Variants in MYH14 observed in about 807,000 individuals in gnomAD.
MYH14 encodes the protein myosin-14.
A neutral mutation model predicts 255.5 loss-of-function variants in MYH14; 123 were observed. The observed-to-expected ratio is 0.48, with a 90% confidence interval of 0.42 to 0.56. The LOEUF is 0.56. Among genes scored for constraint, MYH14 ranks in the 20% least tolerant of loss-of-function variants. The probability of loss-of-function intolerance (pLI) is 0.00; values close to 1 mark genes in which losing one functional copy is unlikely to be tolerated. For missense variants in MYH14, 2,423 were observed against 2,802.3 expected (o/e 0.86, Z 3.06); for synonymous variants, 1,095 against 1,161.2 (o/e 0.94, Z 1.16).
Position 50,230,597 on chromosome 19 carries a change from T to TG in MYH14, c.953dup (p.Ala319ArgfsTer83), listed in dbSNP as rs777112799. On this transcript the variant is annotated frameshift_variant, in exon 9 of 43. Transcript: ENST00000642316. LOFTEE classifies it high-confidence loss of function. The surrounding 1 kb of genome is among the most constrained non-coding windows in gnomAD (Gnocchi z 4.7). Reference sequence around the variant, plus strand: ...AGCTTCCACATCTTCTACCAGCTGCTGGGGGGCGCTGGAGAGCAGCTCAAA... The same window carrying TG: ...AGCTTCCACATCTTCTACCAGCTGCTGGGGGGGCGCTGGAGAGCAGCTCAAA... The TG allele has an allele frequency of 6.4e-7, 1 of 1,566,172 alleles. No individual in the cohort carries two copies.
At chr19:50,287,474 G>A (rs1458593329) in intron 34 of MYH14, among the ~76,000 whole-genome samples, 2 of 152,006 alleles carry the variant, frequency 1.3e-5, no homozygotes, top group African/African-American at 4.8e-5. Flanking sequence ...GGGCAGTGGT[G>A]CAATCATGGC....
chr19:50,296,527 G>A (rs1189277833), intron 39 of MYH14, among the ~76,000 whole-genome samples: 3 of 152,024 alleles, frequency 2.0e-5, no homozygotes, highest in Non-Finnish European at 2.9e-5. Context: ...GGATTGCCTG[G>A]ATCCGGGAAG....
At chr19:50,225,252 G>C (rs1164178572) in intron 6 of MYH14, among the ~76,000 whole-genome samples, 2 of 152,180 alleles carry the variant, frequency 1.3e-5, no homozygotes, top group Non-Finnish European at 2.9e-5. Flanking sequence ...GTATATATCT[G>C]TAGATTTAAG....
At chr19:50,291,983 C>T (rs2036090724) in intron 36 of MYH14, among the ~76,000 whole-genome samples, 1 of 152,226 alleles carries the variant, frequency 6.6e-6, no homozygotes, top group Non-Finnish European at 1.5e-5. Flanking sequence ...AATTCAAACC[C>T]ATGTCTATCT....
chr19:50,272,122 G>C (rs1298774481), intron 26 of MYH14, 150 bp downstream of exon 26: 1 of 1,072,874 alleles, frequency 9.3e-7, no homozygotes, highest in Admixed American at 2.4e-5. Flanking sequence ...CCCAGCTCTT[G>C]AGTTCTTAAT....
At position 50,225,665 on chromosome 19, in the gene MYH14, C is replaced by T. The variant is rs747041198; in HGVS notation, c.798C>T (p.Asn266=). The T allele has an allele frequency of 5.6e-6, 9 of 1,613,642 alleles. No homozygotes were observed. The East Asian group carries it at 1.3e-4, about 24-fold the overall frequency. The change falls in exon 7 of 43, where the codon AAC becomes AAT. Residue 266 remains asparagine (N), a synonymous_variant. Transcript: ENST00000642316. ...FGNAKTVKND[N]SSRFGKFIRI... ...ATGCCAAGACAGTGAAGAATGACAA[C>T]TCCTCCCGATTCGTGAGTGCCAGGG...
In MYH14 at chr19:50,210,482, G is replaced by A. The variant is rs1025940351; in HGVS notation, c.117G>A (p.Gly39=). The change falls in exon 2 of 43, where the codon GGG becomes GGA. Residue 39 remains glycine (G), a synonymous_variant. Transcript: ENST00000642316. Reference sequence around the variant, plus strand: ...CCCGCGGGCCCAGCGCGGGTGGCGGGCCTGGCTCGGGCACCTCCCCGCAGG... The same window carrying A: ...CCCGCGGGCCCAGCGCGGGTGGCGGACCTGGCTCGGGCACCTCCCCGCAGG... ...FTPRGPSAGG[G]PGSGTSPQVE... 5 of 1,552,018 alleles carry A rather than the reference G, an allele frequency of 3.2e-6. No individual in the cohort carries two copies. Among genetic ancestry groups the A allele is most frequent in the African/African-American group, 2.8e-5 (2 of 72,544 alleles).
rs138001307 is a variant in MYH14, at chr19:50,217,735, G to A, written c.526G>A (p.Ala176Thr). 2.1e-4 allele frequency: 336 copies of A among 1,613,914 alleles called. No individual in the cohort carries two copies. Among genetic ancestry groups the A allele is most frequent in the Middle Eastern group, 6.6e-4 (4 of 6,062 alleles). The change falls in exon 3 of 43, where the codon GCA (alanine) becomes ACA (threonine). Residue 176 changes from alanine to threonine, a missense_variant. By Grantham distance (58) the Ala-to-Thr change is moderately conservative. Transcript: ENST00000642316. ...KRHEVPPHVY[A>T]VTEGAYRSML... ...CCACGAGGTGCCACCCCACGTGTAC[G>A]CAGTGACCGAGGGGGCCTATCGGAG...
chr19:50,248,928 G>C, intron 12 of MYH14, 59 bp from the exon 13 acceptor site: 1 of 1,596,234 alleles, frequency 6.3e-7, no homozygotes. Context: ...GTTCACCCCC[G>C]ACGTCTTTCA....
At chr19:50,272,520 G>A (rs766097541) in intron 26 of MYH14, 40 bp from the exon 27 acceptor site, 2 of 1,550,928 alleles carry the variant, frequency 1.3e-6, no homozygotes, top group Non-Finnish European at 8.7e-7. Context: ...GAGTGTGCAG[G>A]CCTGGAGTCC....
In MYH14 at chr19:50,278,145, A is replaced by G. The variant is rs772959470; in HGVS notation, c.3888A>G (p.Ala1296=). The change falls in exon 30 of 43, where the codon GCA becomes GCG. Residue 1296 remains alanine (A), a synonymous_variant. Transcript: ENST00000642316. The part of the protein sequence containing the change: ...ALEAEVSELR[A]ELSSLQTARQ... ...AGGCCGAGGTGTCCGAGCTGCGGGC[A>G]GAACTGAGCAGCCTGCAGACTGCAC... is the stretch of plus-strand genomic sequence containing the variant. 2 of 1,609,670 alleles carry G rather than the reference A, an allele frequency of 1.2e-6. No individual in the cohort carries two copies. The highest frequency in any genetic ancestry group is 1.1e-5 in the South Asian group (1 of 90,738).
At chr19:50,301,631 A>G (rs377210792) in intron 39 of MYH14, 30 bp from the exon 40 acceptor site, 104 of 1,587,494 alleles carry the variant, frequency 6.6e-5, no homozygotes, top group Non-Finnish European at 8.7e-5. Flanking sequence ...AGACTCCACC[A>G]TGACATCCTT....
intron 3 of MYH14, among the ~76,000 whole-genome samples, chr19:50,222,726 A>C (rs1276153228): frequency 6.6e-6 from 1 of 152,022 alleles, no homozygotes; most frequent in Non-Finnish European, 1.5e-5. Context: ...ATCTTATATT[A>C]CAGGACCTCG....
rs532559354 is a variant in MYH14 at position 50,211,052 on chromosome 19, G to T, written c.405+282G>T. Among the ~76,000 whole-genome samples, 7 of 152,242 alleles carry T rather than the reference G, an allele frequency of 4.6e-5. No individual in the cohort carries two copies. The South Asian group carries it at 1.5e-3, about 32-fold the overall frequency. ...CAATTTCTCAGATATAGCTCATCCCGAGTTTTAAGGAACGGAAACAGATGT... is the reference window on the plus strand; with the variant it reads ...CAATTTCTCAGATATAGCTCATCCCTAGTTTTAAGGAACGGAAACAGATGT... On this transcript the variant is annotated intron_variant, in intron 2 of 42. Coordinates refer to ENST00000642316, the MANE Select transcript of MYH14 (RefSeq NM_001145809.2).
chr19:50,228,552 C>T (rs377675048), intron 8 of MYH14, among the ~76,000 whole-genome samples: 1 of 152,088 alleles, frequency 6.6e-6, no homozygotes, highest in South Asian at 2.1e-4. Flanking sequence ...CCCCAAGTCC[C>T]CAGCAGCACC....
At chr19:50,254,878 G>A (rs575737215) in intron 16 of MYH14, among the ~76,000 whole-genome samples, 83 of 152,330 alleles carry the variant, frequency 5.4e-4, no homozygotes, top group African/African-American at 1.9e-3. Flanking sequence ...GGAGCATCAA[G>A]TTCATTCTTG....
chr19:50,281,795 C>G lies in MYH14; in HGVS notation c.4492C>G (p.Arg1498Gly). ...DDATMDLEQQ[R>G]QLVSTLEKKQ... ...CGCCACCATGGACCTGGAGCAGCAG[C>G]GGCAGCTTGTGAGCACCCTGGAGAA... The change falls in exon 33 of 43, where the codon CGG becomes GGG. Residue 1498 changes from arginine (R) to glycine (G), a missense_variant. Arg to Gly is a moderately radical substitution (Grantham distance 125). Coordinates refer to ENST00000642316, the MANE Select transcript of MYH14 (RefSeq NM_001145809.2). 1 of 1,612,684 alleles carries G rather than the reference C, an allele frequency of 6.2e-7. No homozygotes were observed. Among genetic ancestry groups the G allele is most frequent in the South Asian group, 1.1e-5 (1 of 91,044 alleles).
chr19:50,230,066 G>A lies in MYH14; in HGVS notation c.875-459G>A, dbSNP rs1478358954. ...AGCAGCTGAGATTACAGGCACCCGC[G>A]ATCACACCTATAATTTTTGTATTTT... On this transcript the variant is annotated intron_variant, in intron 8 of 42. Transcript: ENST00000642316. The surrounding 1 kb of genome is among the most constrained non-coding windows in gnomAD (Gnocchi z 4.7). Among the ~76,000 whole-genome samples the A allele has an allele frequency of 1.3e-5, 2 of 152,104 alleles. No homozygotes were observed. Among genetic ancestry groups the A allele is most frequent in the Non-Finnish European group, 1.5e-5 (1 of 67,974 alleles).
At chr19:50,222,645 G>A (rs932729785) in intron 3 of MYH14, among the ~76,000 whole-genome samples, 1 of 152,100 alleles carries the variant, frequency 6.6e-6, no homozygotes, top group Non-Finnish European at 1.5e-5. Flanking sequence ...TCCATGCCTG[G>A]CGCTCAGTAG....
Sources: gnomAD v4.1 joint callset for allele counts (sites outside exome capture counted in the v4.1 genomes callset) on GRCh38, gnomAD v4.1.1 for gene constraint, Gnocchi (gnomAD v3.1) non-coding constraint, MANE v1.5 for transcripts, NCBI Gene and HGNC (gene_info 2026-07-23, HGNC 2026-07-21) for gene names.